Variants in TBKBP1 observed in about 807,000 individuals in gnomAD.
TBKBP1 encodes TBK1 binding protein 1, also known as TANK-binding kinase 1-binding protein 1.
A neutral mutation model predicts 69.9 loss-of-function variants in TBKBP1; 47 were observed. The observed-to-expected ratio is 0.67, with a 90% CI of 0.53 to 0.86. TBKBP1 has a LOEUF of 0.86. Ranked by LOEUF, TBKBP1 falls within the 40% of genes least tolerant of loss-of-function variation. The pLI, the probability that TBKBP1 is intolerant of heterozygous loss-of-function variation, is 0.00. For synonymous variants in TBKBP1, 418 were observed against 390.3 expected (o/e 1.07, Z -0.84); for missense variants, 831 against 858.6 (o/e 0.97, Z 0.40).
In TBKBP1 at chr17:47,708,267, A is replaced by T; in HGVS notation, c.873-127A>T. The T allele has an allele frequency of 1.1e-6, 1 of 918,670 alleles. No homozygotes were observed. Among genetic ancestry groups the T allele is most frequent in the Non-Finnish European group, 1.7e-6 (1 of 598,880 alleles). The allele number at this position is 918,670 out of a possible 1,614,324, so 56.9% of individuals were successfully genotyped here. A position where few individuals can be genotyped will look rare whatever the true frequency, so the allele number is the denominator to read the frequency against. ...TAGGGAGGATTTCTGCAATTGGGGTAGGAGGGCCCTGCGGGTGGGAGGGAG... is the reference window on the plus strand; with the variant it reads ...TAGGGAGGATTTCTGCAATTGGGGTTGGAGGGCCCTGCGGGTGGGAGGGAG... On this transcript the variant is annotated intron_variant, in intron 7 of 9. Transcript: ENST00000578982. This position sits in a 1 kb window ranked among gnomAD's most constrained non-coding sequence, Gnocchi z 4.4.
intron 7 of TBKBP1, among the ~76,000 whole-genome samples, chr17:47,706,649 C>A (rs1379411832): frequency 6.6e-6 from 1 of 152,140 alleles, no homozygotes; most frequent in Non-Finnish European, 1.5e-5. Context: ...TTGGCTTTGG[C>A]CCAAGTGGGT....
chr17:47,697,574 G>T (rs560376392), intron 4 of TBKBP1, among the ~76,000 whole-genome samples: 1 of 152,142 alleles, frequency 6.6e-6, no homozygotes, highest in Non-Finnish European at 1.5e-5. Context: ...GGCTGTGAGG[G>T]TGAGGGCAGA....
chr17:47,697,223 G>C, intron 4 of TBKBP1, 30 bp downstream of exon 4: 1 of 1,588,828 alleles, frequency 6.3e-7, no homozygotes, highest in Non-Finnish European at 8.6e-7. Flanking sequence ...AGGTGCTTGA[G>C]GATGTGTAGC....
chr17:47,704,218 C>T (rs2031620202), intron 7 of TBKBP1, among the ~76,000 whole-genome samples: 1 of 152,220 alleles, frequency 6.6e-6, no homozygotes, highest in South Asian at 2.1e-4. Context: ...CCCGGGATGT[C>T]AGCTCTGGTG....
In TBKBP1 at chr17:47,709,269, C is replaced by A. The variant is rs763251911; in HGVS notation, c.1536C>A (p.Ile512=). ...PLSPRRAFEG[I]RLRFEKQPSE... ...GCCCGCGGCGCGCCTTCGAGGGCAT[C>A]CGGCTGCGCTTCGAGAAGCAGCCGT... Residue 512 remains isoleucine (I), a synonymous_variant, in exon 9 of 10, where the codon ATC becomes ATA. Coordinates refer to ENST00000578982, the MANE Select transcript of TBKBP1 (RefSeq NM_001394755.1). 4.3e-5 allele frequency: 66 copies of A among 1,523,374 alleles called. No individual in the cohort carries two copies. Among genetic ancestry groups the A allele is most frequent in the Non-Finnish European group, 5.3e-5 (61 of 1,143,820 alleles). 94.4% of individuals were successfully genotyped at this position (1,523,374 alleles called of 1,614,324 possible).
chr17:47,708,482 ACT>A lies in TBKBP1; in HGVS notation c.964_965del (p.Leu322ValfsTer142), dbSNP rs1461546122. 6.2e-7 allele frequency: 1 copy of A among 1,613,544 alleles called. No homozygotes were observed. The highest frequency in any genetic ancestry group is 8.5e-7 in the Non-Finnish European group (1 of 1,179,750). ...TTCCCTACAGGGGAGAATCTTGAGG[ACT>A]CTGTTGCAGGAACAGGCCCGGAGTG... The part of the protein sequence containing the change: ...LSSLQGRILR[T>X]LLQEQARSGG... On this transcript the variant is annotated frameshift_variant, in exon 8 of 10. Coordinates refer to ENST00000578982, the MANE Select transcript of TBKBP1 (RefSeq NM_001394755.1). LOFTEE classifies it high-confidence loss of function. The surrounding 1 kb of genome is among the most constrained non-coding windows in gnomAD (Gnocchi z 4.4).
rs774797034 is a variant in TBKBP1, at chr17:47,700,289, C to CTTTTTTTTTT, written c.872+610_872+619dup. On this transcript the variant is annotated intron_variant, in intron 7 of 9. Coordinates refer to ENST00000578982, the MANE Select transcript of TBKBP1 (RefSeq NM_001394755.1). ...TAGGAGTGAGCCACTGCGCCCGGAC[C>CTTTTTTTTTT]TTTTTTTTTTTTTTTTTTTTTTTTT... 1.4e-3 allele frequency among the ~76,000 whole-genome samples: 58 copies of CTTTTTTTTTT among 41,458 alleles called. 7 individuals carry two copies. Among genetic ancestry groups the CTTTTTTTTTT allele is most frequent in the African/African-American group, 2.2e-3 (16 of 7,292 alleles). 27.2% of individuals were successfully genotyped at this position (41,458 alleles called of 152,430 possible).
Position 47,709,248 on chromosome 17 carries a change from G to A in TBKBP1, c.1515G>A (p.Pro505=). Residue 505 remains proline (P), a synonymous_variant, in exon 9 of 10, where the codon CCG becomes CCA. Transcript: ENST00000578982. ...ELYGPGRPLS[P]RRAFEGIRLR... ...ACGGCCCTGGCAGGCCCCTCAGCCC[G>A]CGGCGCGCCTTCGAGGGCATCCGGC... The A allele has an allele frequency of 6.6e-7, 1 of 1,522,112 alleles. No individual in the cohort carries two copies. Among genetic ancestry groups the A allele is most frequent in the South Asian group, 1.2e-5 (1 of 82,066 alleles). 94.3% of individuals were successfully genotyped at this position (1,522,112 alleles called of 1,614,324 possible).
chr17:47,696,955 C>T (rs1238839377), intron 3 of TBKBP1, 122 bp downstream of exon 3: 3 of 1,522,388 alleles, frequency 2.0e-6, no homozygotes, highest in African/African-American at 2.8e-5. Flanking sequence ...CCAGGTCCTC[C>T]CTAAGCCCAG....
At chr17:47,699,989 ATT>A (rs367853875) in intron 7 of TBKBP1, among the ~76,000 whole-genome samples, 8 of 136,192 alleles carry the variant, frequency 5.9e-5, no homozygotes, top group Non-Finnish European at 3.2e-5. Flanking sequence ...TGCCTAGCTA[ATT>A]TTTTTTTTTT....
rs1326155102 is a variant in TBKBP1, at chr17:47,699,315, G to T, written c.635-5G>T. ...CTCGCCTGACGTTGTCCTGTCCACC[G>T]ACAGCAGGCTGGCCGGGCTCCACAC... is the stretch of plus-strand genomic sequence containing the variant. On this transcript the variant is annotated splice_polypyrimidine_tract_variant and splice_region_variant and intron_variant, in intron 5 of 9. Transcript: ENST00000578982. 13 of 1,520,190 alleles carry T rather than the reference G, an allele frequency of 8.6e-6. No individual in the cohort carries two copies. The East Asian group carries it at 2.7e-4, about 32-fold the overall frequency. 94.2% of individuals were successfully genotyped at this position (1,520,190 alleles called of 1,614,324 possible). A position where few individuals can be genotyped will look rare whatever the true frequency, so the allele number is the denominator to read the frequency against.
chr17:47,708,330 C>T lies in TBKBP1; in HGVS notation c.873-64C>T. On this transcript the variant is annotated intron_variant, in intron 7 of 9. Coordinates refer to ENST00000578982, the MANE Select transcript of TBKBP1 (RefSeq NM_001394755.1). This position sits in a 1 kb window ranked among gnomAD's most constrained non-coding sequence, Gnocchi z 4.4. ...AGATGCTGGGGTAGAGCCAGTTCTT[C>T]CTCCACAGCTGGGACGGTAGACCCA... 1 of 1,556,006 alleles carries T rather than the reference C, an allele frequency of 6.4e-7. No homozygotes were observed. The highest frequency in any genetic ancestry group is 1.7e-4 in the Middle Eastern group (1 of 5,938).
chr17:47,708,875 AGCAGCGCCGCTCTCCG>A lies in TBKBP1; in HGVS notation c.1145_1160del (p.Gln382ProfsTer66). On this transcript the variant is annotated frameshift_variant, in exon 9 of 10. Transcript: ENST00000578982. LOFTEE classifies it high-confidence loss of function. This position sits in a 1 kb window ranked among gnomAD's most constrained non-coding sequence, Gnocchi z 4.4. ...CCCGTGCCCCCGTGCCCCTCGCCGC[AGCAGCGCCGCTCTCCG>A]GCCTCACCCTCCTGCCCGTCGCCCG... The A allele has an allele frequency of 7.2e-7, 1 of 1,387,140 alleles. No homozygotes were observed. Among genetic ancestry groups the A allele is most frequent in the Non-Finnish European group, 9.3e-7 (1 of 1,078,416 alleles). The allele number at this position is 1,387,140 out of a possible 1,614,324, so 85.9% of individuals were successfully genotyped here.
At position 47,694,881 on chromosome 17, in the gene TBKBP1, G is replaced by A. The variant is rs537133157; in HGVS notation, c.-35+687G>A. Reference sequence around the variant, plus strand: ...CCCTGGCACTTAGATGGGCCTGTGGGTGGCGGAGGGGGGGGGGTGGATTGA... The same window carrying A: ...CCCTGGCACTTAGATGGGCCTGTGGATGGCGGAGGGGGGGGGGTGGATTGA... On this transcript the variant is annotated intron_variant, in intron 1 of 9. Coordinates refer to ENST00000578982, the MANE Select transcript of TBKBP1 (RefSeq NM_001394755.1). 3.4e-3 allele frequency among the ~76,000 whole-genome samples: 280 copies of A among 82,688 alleles called. 1 individual carries two copies. The highest frequency in any genetic ancestry group is 0.014 in the African/African-American group (261 of 18,920). 54.2% of individuals were successfully genotyped at this position (82,688 alleles called of 152,430 possible).
rs952480458 is a variant in TBKBP1, at chr17:47,697,094, G to A, written c.354G>A (p.Gln118=). Residue 118 remains glutamine, a synonymous_variant, in exon 4 of 10, where the codon CAG becomes CAA. Transcript: ENST00000578982. The part of the protein sequence containing the change: ...QRLNQFQHEL[Q]KNKEQEEQLG... ...GCCCTCTGGGCCTCATCCAGTTACA[G>A]AAGAACAAGGAGCAGGAAGAACAGC... 1.2e-6 allele frequency: 2 copies of A among 1,610,922 alleles called. No homozygotes were observed. The highest frequency in any genetic ancestry group is 2.2e-5 in the South Asian group (2 of 90,418).
chr17:47,702,577 C>T (rs931184972), intron 7 of TBKBP1, among the ~76,000 whole-genome samples: 1 of 152,060 alleles, frequency 6.6e-6, no homozygotes, highest in African/African-American at 2.4e-5. Flanking sequence ...TTCCTTCCCT[C>T]CCAGCCCCTG....
chr17:47,708,956 C>T lies in TBKBP1; in HGVS notation c.1223C>T (p.Ser408Phe). ...RRSPVPPSCQSPSPQRRSPVP... is the reference protein window; with the variant it reads ...RRSPVPPSCQFPSPQRRSPVP... Reference sequence around the variant, plus strand: ...TCGCCGGTGCCGCCGTCGTGCCAGTCCCCCAGCCCGCAGCGCCGTTCCCCG... The same window carrying T: ...TCGCCGGTGCCGCCGTCGTGCCAGTTCCCCAGCCCGCAGCGCCGTTCCCCG... The change falls in exon 9 of 10, where the codon TCC (serine) becomes TTC (phenylalanine). Residue 408 changes from serine (S) to phenylalanine (F), a missense_variant. By Grantham distance (155) the Ser-to-Phe change is radical. Coordinates refer to ENST00000578982, the MANE Select transcript of TBKBP1 (RefSeq NM_001394755.1). The surrounding 1 kb of genome is among the most constrained non-coding windows in gnomAD (Gnocchi z 4.4). 1 of 1,203,428 alleles carries T rather than the reference C, an allele frequency of 8.3e-7. No individual in the cohort carries two copies. The highest frequency in any genetic ancestry group is 1.0e-6 in the Non-Finnish European group (1 of 963,814). The allele number at this position is 1,203,428 out of a possible 1,614,324, so 74.5% of individuals were successfully genotyped here.
At chr17:47,699,915 C>G (rs1463977556) in intron 7 of TBKBP1, among the ~76,000 whole-genome samples, 2 of 151,058 alleles carry the variant, frequency 1.3e-5, no homozygotes, top group African/African-American at 4.9e-5. Context: ...CTCTGCCTCT[C>G]GGGTTCAAGC....
chr17:47,709,053 C>G lies in TBKBP1; in HGVS notation c.1320C>G (p.Ala440=). 3 of 1,321,358 alleles carry G rather than the reference C, an allele frequency of 2.3e-6. No individual in the cohort carries two copies. Among genetic ancestry groups the G allele is most frequent in the Non-Finnish European group, 2.9e-6 (3 of 1,035,694 alleles). The allele number at this position is 1,321,358 out of a possible 1,614,324, so 81.9% of individuals were successfully genotyped here. A position where few individuals can be genotyped will look rare whatever the true frequency, so the allele number is the denominator to read the frequency against. The part of the protein sequence containing the change: ...PPPPPGERTL[A]ERAYAKPPSH... Reference sequence around the variant, plus strand: ...CCCCGCCGGGCGAGAGGACGCTGGCCGAGCGCGCCTACGCCAAGCCGCCCA... The same window carrying G: ...CCCCGCCGGGCGAGAGGACGCTGGCGGAGCGCGCCTACGCCAAGCCGCCCA... Residue 440 remains alanine (A), a synonymous_variant, in exon 9 of 10, where the codon GCC becomes GCG. Coordinates refer to ENST00000578982, the MANE Select transcript of TBKBP1 (RefSeq NM_001394755.1).
Sources: allele counts gnomAD v4.1 joint callset (sites outside exome capture counted in the v4.1 genomes callset), GRCh38; gene constraint gnomAD v4.1.1; non-coding constraint Gnocchi (gnomAD v3.1); transcripts MANE v1.5; gene names NCBI Gene and HGNC (gene_info 2026-07-23, HGNC 2026-07-21).